The following KIF16B variants were observed in gnomAD, a reference collection of about 807,000 sequenced individuals.
KIF16B encodes kinesin-like protein KIF16B.
A neutral mutation model predicts 156.3 loss-of-function variants in KIF16B; 98 were observed. The ratio of observed to expected loss-of-function variants is 0.63; its 90% CI spans 0.53 to 0.74. The LOEUF (loss-of-function observed/expected upper bound fraction) is 0.74. Among genes scored for constraint, KIF16B ranks in the 30% least tolerant of loss-of-function variants. The pLI, the probability that KIF16B is intolerant of heterozygous loss-of-function variation, is 0.00. For missense variants in KIF16B, 1,421 were observed against 1,606.5 expected (o/e 0.88, Z 1.97); for synonymous variants, 564 against 583.7 (o/e 0.97, Z 0.49).
intron 23 of KIF16B, among the ~76,000 whole-genome samples, chr20:16,345,169 C>T (rs1345689689): frequency 6.6e-6 from 1 of 152,238 alleles, no homozygotes; most frequent in Non-Finnish European, 1.5e-5. Flanking sequence ...GATTATGCCT[C>T]CATGAGCCCA....
intron 18 of KIF16B, among the ~76,000 whole-genome samples, chr20:16,380,367 G>A (rs192033489): frequency 6.6e-6 from 1 of 152,214 alleles, no homozygotes; most frequent in Admixed American, 6.5e-5. Context: ...CATATCACCT[G>A]CCTATTCTCC....
chr20:16,349,251 C>T (rs895982561), intron 23 of KIF16B, among the ~76,000 whole-genome samples: 10 of 152,336 alleles, frequency 6.6e-5, no homozygotes, highest in Non-Finnish European at 1.3e-4. Context: ...ATAGAACACC[C>T]GGCCCACCTG....
intron 12 of KIF16B, among the ~76,000 whole-genome samples, chr20:16,471,093 A>G (rs1266265077): frequency 6.6e-6 from 1 of 152,164 alleles, no homozygotes; most frequent in Non-Finnish European, 1.5e-5. Context: ...CGAGGTTTTG[A>G]ACAGAGAGAG....
chr20:16,466,045 A>T (rs1463186078), intron 12 of KIF16B, among the ~76,000 whole-genome samples: 1 of 152,252 alleles, frequency 6.6e-6, no homozygotes, highest in Non-Finnish European at 1.5e-5. Context: ...CAGGAAAATA[A>T]GTTCACAATG....
At chr20:16,480,245 C>G (rs1026338176) in intron 12 of KIF16B, among the ~76,000 whole-genome samples, 3 of 152,148 alleles carry the variant, frequency 2.0e-5, no homozygotes, top group Non-Finnish European at 2.9e-5. Flanking sequence ...AGAAAGCCCT[C>G]ATTGAAGACC....
At chr20:16,301,306 C>A (rs1213774031) in intron 25 of KIF16B, among the ~76,000 whole-genome samples, 1 of 152,108 alleles carries the variant, frequency 6.6e-6, no homozygotes, top group Admixed American at 6.6e-5. Context: ...CATTTATGTG[C>A]AGATCTTTGA....
intron 1 of KIF16B, 138 bp from the exon 2 acceptor site, chr20:16,528,578 C>T (rs1055793869): frequency 3.4e-5 from 22 of 642,532 alleles, no homozygotes; most frequent in Non-Finnish European, 5.7e-5. Context: ...ATCCCAGACA[C>T]GGCTCCTCCC....
intron 22 of KIF16B, chr20:16,368,702 C>T: frequency 2.0e-6 from 2 of 985,970 alleles, no homozygotes; most frequent in Non-Finnish European, 2.4e-6. Flanking sequence ...CTATAAAACT[C>T]AGACGCCAGT....
At chr20:16,568,576 G>T (rs143886295) in intron 1 of KIF16B, among the ~76,000 whole-genome samples, 4,332 of 152,174 alleles carry the variant, frequency 0.028, 208 homozygotes, top group African/African-American at 0.099. Context: ...CATTCTGGGA[G>T]GCCAAGGTGG....
intron 1 of KIF16B, among the ~76,000 whole-genome samples, chr20:16,540,170 C>A (rs1330686958): frequency 6.6e-6 from 1 of 152,172 alleles, no homozygotes; most frequent in East Asian, 1.9e-4. Context: ...AGATGACAAT[C>A]AAGTTTGCAG....
Position 16,454,439 on chromosome 20 carries a change from C to T in KIF16B, c.1303-24457G>A, listed in dbSNP as rs190955648. Among the ~76,000 whole-genome samples the T allele has an allele frequency of 3.8e-3, 579 of 150,562 alleles. 3 individuals are homozygous for T. The highest frequency in any genetic ancestry group is 0.013 in the African/African-American group (550 of 41,206). ...TAAGGTGCGTATATAATATATATTA[C>T]TTTTATGCAATTCTACAGTCTAAGT... On this transcript the variant is annotated intron_variant, in intron 12 of 25. Coordinates refer to ENST00000354981, the MANE Select transcript of KIF16B (RefSeq NM_024704.5).
At chr20:16,548,836 A>C (rs1292890004) in intron 1 of KIF16B, among the ~76,000 whole-genome samples, 4 of 152,196 alleles carry the variant, frequency 2.6e-5, no homozygotes, top group African/African-American at 9.6e-5. Context: ...TTATGCAGTA[A>C]GTGAGATGCA....
intron 1 of KIF16B, among the ~76,000 whole-genome samples, chr20:16,540,745 C>T (rs755866960): frequency 3.9e-5 from 6 of 152,210 alleles, no homozygotes; most frequent in Admixed American, 6.5e-5. Flanking sequence ...TCTGTTCCAC[C>T]CAAGAGCACT....
chr20:16,441,373 C>T (rs2066796062), intron 12 of KIF16B, among the ~76,000 whole-genome samples: 1 of 152,064 alleles, frequency 6.6e-6, no homozygotes, highest in South Asian at 2.1e-4. Flanking sequence ...CAAATGTTTC[C>T]CCTTCCCCAG....
intron 12 of KIF16B, among the ~76,000 whole-genome samples, chr20:16,438,209 A>G (rs2066700391): frequency 6.6e-6 from 1 of 152,098 alleles, no homozygotes; most frequent in Non-Finnish European, 1.5e-5. Context: ...GAAAGTAAGC[A>G]ACAAGCTGGC....
intron 23 of KIF16B, among the ~76,000 whole-genome samples, chr20:16,343,378 T>C (rs1198958434): frequency 1.3e-5 from 2 of 152,230 alleles, no homozygotes; most frequent in Non-Finnish European, 2.9e-5. Context: ...TATGTATATC[T>C]AGCAGTGTAA....
chr20:16,436,344 G>A (rs977544420), intron 12 of KIF16B, among the ~76,000 whole-genome samples: 3 of 152,086 alleles, frequency 2.0e-5, no homozygotes, highest in African/African-American at 7.2e-5. Context: ...GGCTTTGTTT[G>A]AGGCCCAGCC....
At chr20:16,494,163 T>C (rs562664540) in intron 12 of KIF16B, 128 bp downstream of exon 12, 3 of 628,910 alleles carry the variant, frequency 4.8e-6, no homozygotes, top group Admixed American at 6.9e-5. Context: ...TGAAAGTCAC[T>C]AATTGGTTCC....
chr20:16,552,047 T>C (rs1183090316), intron 1 of KIF16B, among the ~76,000 whole-genome samples: 1 of 152,254 alleles, frequency 6.6e-6, no homozygotes, highest in Non-Finnish European at 1.5e-5. Context: ...GTTCTACTTC[T>C]GTTTTACTCA....
Sources: allele counts gnomAD v4.1 joint callset (sites outside exome capture counted in the v4.1 genomes callset), GRCh38; gene constraint gnomAD v4.1.1; transcripts MANE v1.5; gene names NCBI Gene and HGNC (gene_info 2026-07-23, HGNC 2026-07-21).